ADGRB3: variants seen among roughly 807,000 people sequenced by gnomAD.
The protein encoded by ADGRB3 is brain-specific angiogenesis inhibitor 3.
In ADGRB3, 37 loss-of-function variants were observed where a neutral mutation model predicts 193.4. The observed-to-expected ratio is 0.19, with a 90% CI of 0.15 to 0.25. ADGRB3 has a LOEUF of 0.25. ADGRB3 is among the 10% of genes least tolerant of loss of function. The pLI is 1.00. For missense variants in ADGRB3, 1,637 were observed against 1,852.9 expected (o/e 0.88, Z 2.14); for synonymous variants, 690 against 644.2 (o/e 1.07, Z -1.08).
At chr6:69,324,375 C>T (rs1768523797) in intron 20 of ADGRB3, among the ~76,000 whole-genome samples, 1 of 152,046 alleles carries the variant, frequency 6.6e-6, no homozygotes, top group South Asian at 2.1e-4. Context: ...GAATATCATG[C>T]ATGTATAAGA....
chr6:69,085,363 A>G (rs1257018440), intron 17 of ADGRB3, among the ~76,000 whole-genome samples: 1 of 152,156 alleles, frequency 6.6e-6, no homozygotes, highest in Non-Finnish European at 1.5e-5. Flanking sequence ...CAAGAATTTT[A>G]AAGTAAAATT....
intron 20 of ADGRB3, among the ~76,000 whole-genome samples, chr6:69,275,862 G>A (rs770252838): frequency 3.3e-5 from 5 of 151,938 alleles, no homozygotes; most frequent in Non-Finnish European, 7.4e-5. Flanking sequence ...GAATTTCAAG[G>A]GCCAGTTCTT....
chr6:69,266,375 G>A (rs1420684199), intron 20 of ADGRB3, among the ~76,000 whole-genome samples: 1 of 151,894 alleles, frequency 6.6e-6, no homozygotes, highest in Non-Finnish European at 1.5e-5. Context: ...GCCAGAGTTA[G>A]GGAAAATAGC....
chr6:68,689,104 G>A (rs1404749055), intron 3 of ADGRB3, among the ~76,000 whole-genome samples: 1 of 152,108 alleles, frequency 6.6e-6, no homozygotes, highest in African/African-American at 2.4e-5. Context: ...CAGAGGTATG[G>A]TCAGAGTTAA....
chr6:68,651,256 A>G (rs1003600058), intron 3 of ADGRB3, among the ~76,000 whole-genome samples: 1 of 152,100 alleles, frequency 6.6e-6, no homozygotes, highest in Non-Finnish European at 1.5e-5. Flanking sequence ...GCCAATTGCA[A>G]TGGCCATTTT....
chr6:68,656,722 A>G (rs1373495725), intron 3 of ADGRB3, among the ~76,000 whole-genome samples: 2 of 151,470 alleles, frequency 1.3e-5, no homozygotes, highest in African/African-American at 2.4e-5. Flanking sequence ...TTTACTTTCT[A>G]TATCACTGGA....
intron 17 of ADGRB3, among the ~76,000 whole-genome samples, chr6:69,158,135 G>A (rs62406802): frequency 0.14 from 21,465 of 152,008 alleles, 1,568 homozygotes; most frequent in Middle Eastern, 0.16. Context: ...CATTTATGAT[G>A]ATTTTCTTAT....
At chr6:68,714,673 A>G (rs1022354341) in intron 3 of ADGRB3, among the ~76,000 whole-genome samples, 3 of 151,904 alleles carry the variant, frequency 2.0e-5, no homozygotes, top group African/African-American at 7.2e-5. Context: ...ATAATTTGAT[A>G]TATGGTATAT....
chr6:68,868,796 G>C (rs1045542245), intron 3 of ADGRB3, among the ~76,000 whole-genome samples: 2 of 152,254 alleles, frequency 1.3e-5, no homozygotes, highest in South Asian at 2.1e-4. Context: ...ACATATGCCA[G>C]ATGTGTGATG....
At chr6:68,766,856 G>A (rs72901208) in intron 3 of ADGRB3, among the ~76,000 whole-genome samples, 3 of 152,002 alleles carry the variant, frequency 2.0e-5, no homozygotes, top group Non-Finnish European at 2.9e-5. Context: ...AACACAACTA[G>A]TTATGTAGAG....
intron 3 of ADGRB3, among the ~76,000 whole-genome samples, chr6:68,883,819 G>C (rs1662092262): frequency 1.3e-5 from 2 of 151,566 alleles, no homozygotes; most frequent in South Asian, 4.1e-4. Flanking sequence ...TGAAGTCGGT[G>C]AGACAAAGAA....
chr6:69,223,342 A>C (rs1439723703), intron 17 of ADGRB3, among the ~76,000 whole-genome samples: 1 of 152,186 alleles, frequency 6.6e-6, no homozygotes, highest in Non-Finnish European at 1.5e-5. Flanking sequence ...CCCAGAACTA[A>C]TGAAGCAGAG....
intron 3 of ADGRB3, among the ~76,000 whole-genome samples, chr6:68,888,215 C>T (rs79549206): frequency 0.012 from 1,861 of 152,180 alleles, 39 homozygotes; most frequent in African/African-American, 0.042. Flanking sequence ...TGTTTATGCA[C>T]AGCACTGATA....
chr6:69,080,033 G>A (rs1227036966), intron 17 of ADGRB3, among the ~76,000 whole-genome samples: 1 of 151,960 alleles, frequency 6.6e-6, no homozygotes. Context: ...TTCTCTCAAA[G>A]TTAAGTAATT....
At chr6:69,274,477 C>T (rs1767251880) in intron 20 of ADGRB3, among the ~76,000 whole-genome samples, 1 of 128,340 alleles carries the variant, frequency 7.8e-6, no homozygotes, top group South Asian at 2.5e-4. Flanking sequence ...TCCTTCCTTC[C>T]TCCCTCCCTC....
At chr6:69,360,713 C>T (rs181051535) in intron 28 of ADGRB3, among the ~76,000 whole-genome samples, 156 bp from the exon 29 acceptor site, 33 of 151,868 alleles carry the variant, frequency 2.2e-4, no homozygotes, top group Admixed American at 2.1e-3. Context: ...TCTCTCTGGA[C>T]CATGTACAAA....
chr6:68,708,027 G>C (rs1554181196), intron 3 of ADGRB3, among the ~76,000 whole-genome samples: 1 of 152,076 alleles, frequency 6.6e-6, no homozygotes, highest in East Asian at 1.9e-4. Context: ...TTAACCAAGA[G>C]CAAAAAAGAC....
At chr6:69,275,594 A>G (rs1429856366) in intron 20 of ADGRB3, among the ~76,000 whole-genome samples, 1 of 151,988 alleles carries the variant, frequency 6.6e-6, no homozygotes, top group Non-Finnish European at 1.5e-5. Flanking sequence ...TGATCCAGAC[A>G]CCAGTATAAT....
At chr6:68,690,818 T>TTTCA (rs1246229204) in intron 3 of ADGRB3, among the ~76,000 whole-genome samples, 1 of 152,184 alleles carries the variant, frequency 6.6e-6, no homozygotes, top group Non-Finnish European at 1.5e-5. Context: ...AGTTCTCATC[T>TTTCA]TTCATTTTAT....
Sources: gnomAD v4.1 joint callset for allele counts (sites outside exome capture counted in the v4.1 genomes callset) on GRCh38, gnomAD v4.1.1 for gene constraint, MANE v1.5 for transcripts, NCBI Gene and HGNC (gene_info 2026-07-23, HGNC 2026-07-21) for gene names.